The following TMEM25 variants were observed in gnomAD, a reference collection of about 807,000 sequenced individuals.
The protein encoded by TMEM25 is 0610039J01Rik.
In TMEM25, 36 loss-of-function variants were observed where a neutral mutation model predicts 37.0. The observed-to-expected ratio is 0.97, with a 90% CI of 0.75 to 1.28. The LOEUF is 1.28. TMEM25 is among the 50% of genes most tolerant of loss of function. The pLI, the probability that TMEM25 is intolerant of heterozygous loss-of-function variation, is 0.00. For missense variants in TMEM25, 444 were observed against 477.9 expected, an observed-to-expected ratio of 0.93 and a Z score of 0.66; for synonymous variants, 197 against 203.7, an observed-to-expected ratio of 0.97 and a Z score of 0.28.
At chr11:118,538,691 G>A (rs182915776), downstream of TMEM25, among the ~76,000 whole-genome samples, 68 of 152,050 alleles carry the variant, frequency 4.5e-4, no homozygotes, top group Admixed American at 3.3e-3. Context: ...TCAGGAGTTT[G>A]ACACCAGCCT....
At position 118,541,481 on chromosome 11, in the gene TMEM25, A is replaced by G. The variant is rs1951578436; in HGVS notation, c.1028-4638A>G. 1.4e-5 allele frequency among the ~76,000 whole-genome samples: 2 copies of G among 143,698 alleles called. 1 individual carries two copies. Among genetic ancestry groups the G allele is most frequent in the South Asian group, 4.4e-4 (2 of 4,540 alleles). The allele number at this position is 143,698 out of a possible 152,430, so 94.3% of individuals were successfully genotyped here. On this transcript the variant is annotated intron_variant, in intron 8 of 8. Transcript: ENST00000354284. ...TGTCTCAAAAAAAAAAAAAAAAAAG[A>G]AAAAGAAACTTCACCTAACAAAAGA...
chr11:118,542,863 A>G (rs1207284807), intron 8 of TMEM25, among the ~76,000 whole-genome samples: 1 of 150,728 alleles, frequency 6.6e-6, no homozygotes, highest in Admixed American at 6.6e-5. Flanking sequence ...CGGTATGCCA[A>G]GATCGCACCA....
chr11:118,539,455 C>T (rs551252298), downstream of TMEM25, among the ~76,000 whole-genome samples: 65 of 152,214 alleles, frequency 4.3e-4, no homozygotes, highest in African/African-American at 1.4e-3. Flanking sequence ...CATGAGCCAC[C>T]GCGCCTGGCC....
chr11:118,540,272 C>T (rs1317642102), downstream of TMEM25, among the ~76,000 whole-genome samples: 1 of 151,948 alleles, frequency 6.6e-6, no homozygotes, highest in Non-Finnish European at 1.5e-5. Context: ...GCTTCCATGG[C>T]TGTGGGGGCT....
At chr11:118,537,132 G>T (rs1229210133), downstream of TMEM25, among the ~76,000 whole-genome samples, 1 of 152,166 alleles carries the variant, frequency 6.6e-6, no homozygotes, top group Non-Finnish European at 1.5e-5. Context: ...CCTGAGCTCA[G>T]AAGTTCGAGA....
exon 9 of TMEM25, chr11:118,546,284 GC>G (rs1253736905): frequency 1.1e-5 from 7 of 647,800 alleles, no homozygotes; most frequent in Non-Finnish European, 2.0e-5. Context: ...GATCGCCTGA[GC>G]CTAGGAGTTC....
At chr11:118,532,749 T>C (rs1951348495) in intron 3 of TMEM25, 168 bp from the exon 4 acceptor site, 9 of 996,190 alleles carry the variant, frequency 9.0e-6, no homozygotes, top group Non-Finnish European at 1.2e-5. Context: ...GTATTTACAC[T>C]CATAATCACT....
chr11:118,532,036 G>A, intron 2 of TMEM25, 114 bp from the exon 3 acceptor site: 1 of 1,375,876 alleles, frequency 7.3e-7, no homozygotes, highest in Non-Finnish European at 9.7e-7. Context: ...CTGGTGAGAG[G>A]ACTCAGGTGC....
At chr11:118,543,562 G>A (rs137904315) in intron 8 of TMEM25, among the ~76,000 whole-genome samples, 2,245 of 147,600 alleles carry the variant, frequency 0.015, 62 homozygotes, top group African/African-American at 0.054. Context: ...ATCTTGGCTC[G>A]CTGCAACTGC....
rs545319948 is a variant in TMEM25 at position 118,533,184 on chromosome 11, C to T, written c.650C>T (p.Thr217Ile). Residue 217 changes from threonine to isoleucine, a missense_variant, in exon 4 of 9, where the codon ACC becomes ATC. Thr to Ile is a moderately conservative substitution (Grantham distance 89, BLOSUM62 -1). Transcript: ENST00000313236. ...GTGGCCACCAATGACGTGGGTGTCA[C>T]CAGTGCGTCGCTTCCAGCCCCAGGT... ...SVVATNDVGVTSASLPAPGLL... is the reference protein window; with the variant it reads ...SVVATNDVGVISASLPAPGLL... 38 of 1,602,712 alleles carry T rather than the reference C, an allele frequency of 2.4e-5. 1 individual carries two copies. The South Asian group carries it at 3.5e-4, about 15-fold the overall frequency.
At position 118,534,056 on chromosome 11, in the gene TMEM25, C is replaced by T. The variant is rs782553610; in HGVS notation, c.864C>T (p.Asn288=). The T allele has an allele frequency of 6.2e-6, 10 of 1,614,006 alleles. No individual in the cohort carries two copies. The highest frequency in any genetic ancestry group is 2.2e-5 in the East Asian group (1 of 44,896). The change falls in exon 7 of 9, where the codon AAC becomes AAT. Residue 288 remains asparagine, a synonymous_variant. Transcript: ENST00000313236. This position sits in a 1 kb window ranked among gnomAD's most constrained non-coding sequence, Gnocchi z 4.6. ...SSDSNNLKLN[N]VRLPRENMSL... ...ACTCCAACAACCTAAAACTCAACAA[C>T]GTGCGCCTGCCACGGGAGAACATGT...
chr11:118,533,388 A>G, intron 4 of TMEM25, 32 bp from the exon 5 acceptor site: 1 of 1,612,016 alleles, frequency 6.2e-7, no homozygotes, highest in South Asian at 1.1e-5. Flanking sequence ...GGCACTACCC[A>G]CTTGGGACCT....
rs1951405361 is a variant in TMEM25, at chr11:118,533,734, C to T, written c.806-123C>T. 13 of 1,572,296 alleles carry T rather than the reference C, an allele frequency of 8.3e-6. No homozygotes were observed. The South Asian group carries it at 1.5e-4, about 18-fold the overall frequency. Reference sequence around the variant, plus strand: ...CAAGCACTGGGAACCCAGTCTCTGGCCCCAGGGCCAGGCCTGGGCATTTGA... The same window carrying T: ...CAAGCACTGGGAACCCAGTCTCTGGTCCCAGGGCCAGGCCTGGGCATTTGA... On this transcript the variant is annotated intron_variant, in intron 5 of 8. Transcript: ENST00000313236.
In TMEM25 at chr11:118,532,220, C is replaced by T. The variant is rs1555059139; in HGVS notation, c.141C>T (p.Arg47=). ...WAERALRENE[R]HAFTCRVAGG... Reference sequence around the variant, plus strand: ...AGCGGGCACTTCGGGAGAATGAACGCCACGCCTTCACCTGCCGGGTGGCAG... The same window carrying T: ...AGCGGGCACTTCGGGAGAATGAACGTCACGCCTTCACCTGCCGGGTGGCAG... The change falls in exon 3 of 9, where the codon CGC becomes CGT. Residue 47 remains arginine (R), a synonymous_variant. Coordinates refer to ENST00000313236, the MANE Select transcript of TMEM25 (RefSeq NM_032780.4). 1 of 1,612,016 alleles carries T rather than the reference C, an allele frequency of 6.2e-7. No individual in the cohort carries two copies. The highest frequency in any genetic ancestry group is 2.2e-5 in the East Asian group (1 of 44,860).
intron 2 of TMEM25, 77 bp downstream of exon 2, chr11:118,531,948 TG>T (rs1268406323): frequency 2.3e-5 from 35 of 1,513,616 alleles, no homozygotes; most frequent in Non-Finnish European, 2.9e-5. Context: ...CACTTCTGTT[TG>T]GGTACCCACT....
Position 118,532,205 on chromosome 11 carries a change from T to G in TMEM25, c.126T>G (p.Leu42=). 6.2e-7 allele frequency: 1 copy of G among 1,608,426 alleles called. No homozygotes were observed. Among genetic ancestry groups the G allele is most frequent in the Non-Finnish European group, 8.5e-7 (1 of 1,176,808 alleles). Residue 42 remains leucine, a synonymous_variant, in exon 3 of 9, where the codon CTT becomes CTG. Coordinates refer to ENST00000313236, the MANE Select transcript of TMEM25 (RefSeq NM_032780.4). ...IDGQTWAERA[L]RENERHAFTC... ...GTCAGACCTGGGCTGAGCGGGCACT[T>G]CGGGAGAATGAACGCCACGCCTTCA...
At chr11:118,546,398 G>A in exon 9 of TMEM25, 1 of 473,510 alleles carries the variant, frequency 2.1e-6, no homozygotes, top group Non-Finnish European at 3.9e-6. Context: ...GGCTGGGGTG[G>A]GAGGACTGCT....
intron 8 of TMEM25, chr11:118,545,701 A>G (rs1555066899): frequency 7.2e-7 from 1 of 1,385,028 alleles, no homozygotes; most frequent in African/African-American, 1.4e-5. Flanking sequence ...CTGAAACTCA[A>G]GATACTATCT....
rs1555060999 is a variant in TMEM25, at chr11:118,533,507, C to A, written c.761C>A (p.Thr254Asn). The change falls in exon 5 of 9, where the codon ACC becomes AAC. Residue 254 changes from threonine (T) to asparagine (N), a missense_variant. Transcript: ENST00000313236. The stretch of plus-strand genomic sequence containing the variant: ...CTGGGCACCCTCGTGGGGTTCAGCA[C>A]CTTGGTGGCCTGCCTGGTCTGCAGA... ...LALGTLVGFS[T>N]LVACLVCRKE... 1.9e-6 allele frequency: 3 copies of A among 1,614,072 alleles called. No homozygotes were observed. Among genetic ancestry groups the A allele is most frequent in the African/African-American group, 2.7e-5 (2 of 74,928 alleles).
Sources: gnomAD v4.1 joint callset for allele counts (sites outside exome capture counted in the v4.1 genomes callset) on GRCh38, gnomAD v4.1.1 for gene constraint, Gnocchi (gnomAD v3.1) non-coding constraint, MANE v1.5 for transcripts, NCBI Gene and HGNC (gene_info 2026-07-23, HGNC 2026-07-21) for gene names.